SUPT16H: variants seen among roughly 807,000 people sequenced by gnomAD.
The protein encoded by SUPT16H is SPT16 homolog, facilitates chromatin remodeling subunit.
In SUPT16H, 24 loss-of-function variants were observed where a neutral mutation model predicts 136.2. The observed-to-expected ratio is 0.18, with a 90% CI of 0.13 to 0.25. SUPT16H has a LOEUF of 0.25. Ranked by LOEUF, SUPT16H falls within the 10% of genes least tolerant of loss-of-function variation. SUPT16H has a pLI of 1.00. For synonymous variants in SUPT16H, 415 were observed against 428.2 expected, an observed-to-expected ratio of 0.97 and a Z score of 0.38; for missense variants, 623 against 1,270.2, an observed-to-expected ratio of 0.49 and a Z score of 7.74.
intron 15 of SUPT16H, among the ~76,000 whole-genome samples, chr14:21,361,688 T>C (rs990473251): frequency 6.6e-6 from 1 of 152,242 alleles, no homozygotes; most frequent in Non-Finnish European, 1.5e-5. Context: ...CATGAAATCA[T>C]AGAATCCAAT....
intron 1 of SUPT16H, among the ~76,000 whole-genome samples, chr14:21,379,026 T>G (rs1253203471): frequency 2.0e-5 from 3 of 152,162 alleles, no homozygotes; most frequent in Admixed American, 2.0e-4. Context: ...AAAGAAAGTA[T>G]TTTTGCAGTC....
chr14:21,367,494 G>A (rs1017376585), intron 7 of SUPT16H, among the ~76,000 whole-genome samples: 5 of 152,066 alleles, frequency 3.3e-5, no homozygotes, highest in Non-Finnish European at 7.4e-5. Context: ...GGCCTCAGAG[G>A]GATCTTTATC....
At chr14:21,377,338 T>C (rs1886924892) in intron 1 of SUPT16H, among the ~76,000 whole-genome samples, 1 of 152,198 alleles carries the variant, frequency 6.6e-6, no homozygotes, top group Admixed American at 6.6e-5. Context: ...ACAGGCTATG[T>C]ATGTATACTG....
chr14:21,370,432 C>G lies in SUPT16H; in HGVS notation c.387G>C (p.Lys129Asn), dbSNP rs904516441. 21 of 1,613,980 alleles carry G rather than the reference C, an allele frequency of 1.3e-5. 1 individual carries two copies. The Admixed American group carries it at 2.3e-4, about 18-fold the overall frequency. ...TGAACACTCCAATCTTCTTGCCATTCTTGCTTTCTTTAATGGCTTCAATCA... is the reference window on the plus strand; with the variant it reads ...TGAACACTCCAATCTTCTTGCCATTGTTGCTTTCTTTAATGGCTTCAATCA... The part of the protein sequence containing the change: ...DKMIEAIKES[K>N]NGKKIGVFSK... The change falls in exon 4 of 26, where the codon AAG (lysine) becomes AAC (asparagine). Residue 129 changes from lysine (K) to asparagine (N), a missense_variant. Physicochemically the swap from Lys to Asn is moderately conservative, Grantham distance 94. Around this residue, in one of 7 missense-constraint regions of SUPT16H, gnomAD observed 343 missense variants for 525.7 expected, o/e 0.65. Transcript: ENST00000216297.
intron 5 of SUPT16H, 88 bp from the exon 6 acceptor site, chr14:21,369,443 T>A (rs1886740350): frequency 2.0e-6 from 3 of 1,527,320 alleles, no homozygotes; most frequent in Non-Finnish European, 2.7e-6. Context: ...ACAAAATGTA[T>A]CCTTGTATAA....
intron 18 of SUPT16H, 120 bp downstream of exon 18, chr14:21,360,295 T>C: frequency 1.4e-6 from 1 of 729,752 alleles, no homozygotes; most frequent in Admixed American, 2.8e-5. Flanking sequence ...CCCAAAGTGC[T>C]GGGATTGTGG....
At chr14:21,373,485 C>T in intron 1 of SUPT16H, 55 bp from the exon 2 acceptor site, 1 of 1,266,874 alleles carries the variant, frequency 7.9e-7, no homozygotes, top group Non-Finnish European at 1.2e-6. Context: ...AACAGGAATA[C>T]AGCCTTCAAT....
At position 21,369,455 on chromosome 14, in the gene SUPT16H, T is replaced by TC. The variant is rs1886740848; in HGVS notation, c.631-101dup. On this transcript the variant is annotated intron_variant, in intron 5 of 25. Transcript: ENST00000216297. Reference sequence around the variant, plus strand: ...AAGACAAAATGTATCCTTGTATAAGTCTTAGGAAATGATTTATGCGCCAGG... The same window carrying TC: ...AAGACAAAATGTATCCTTGTATAAGTCCTTAGGAAATGATTTATGCGCCAGG... 9 of 1,470,188 alleles carry TC rather than the reference T, an allele frequency of 6.1e-6. No homozygotes were observed. In the South Asian group the frequency reaches 1.2e-4, roughly 19 times the overall value. The allele number at this position is 1,470,188 out of a possible 1,614,324, so 91.1% of individuals were successfully genotyped here.
intron 6 of SUPT16H, among the ~76,000 whole-genome samples, chr14:21,368,907 G>A (rs1438679789): frequency 6.6e-6 from 1 of 152,130 alleles, no homozygotes; most frequent in African/African-American, 2.4e-5. Context: ...AACAGAGACT[G>A]GTAAGGGTAA....
At chr14:21,361,304 T>A in intron 15 of SUPT16H, 91 bp from the exon 16 acceptor site, 66 of 1,075,474 alleles carry the variant, frequency 6.1e-5, no homozygotes, top group Non-Finnish European at 8.3e-5. Flanking sequence ...GCTTAATCTC[T>A]ACTTTGCTTT....
chr14:21,358,049 G>C (rs750673332), intron 20 of SUPT16H, 47 bp from the exon 21 acceptor site: 15 of 1,533,262 alleles, frequency 9.8e-6, no homozygotes, highest in Middle Eastern at 1.9e-4. Context: ...GAGAGAGACT[G>C]CTCCTACCAC....
At chr14:21,361,257 C>G in intron 15 of SUPT16H, 44 bp from the exon 16 acceptor site, 2 of 1,605,638 alleles carry the variant, frequency 1.2e-6, no homozygotes, top group Non-Finnish European at 1.7e-6. Context: ...TTTTTCAGGC[C>G]AGGGAAATTG....
chr14:21,359,573 C>A lies in SUPT16H; in HGVS notation c.2212G>T (p.Val738Leu). The A allele has an allele frequency of 6.2e-7, 1 of 1,614,012 alleles. No homozygotes were observed. The highest frequency in any genetic ancestry group is 8.5e-7 in the Non-Finnish European group (1 of 1,179,980). Residue 738 changes from valine (V) to leucine (L), a missense_variant, in exon 19 of 26, where the codon GTG becomes TTG. Transcript: ENST00000216297. ...IMFGKKRHTD[V>L]QFYTEVGEIT... ...TCTCCCACTTCTGTGTAGAACTGCA[C>A]ATCCGTGTGCCGCTTCTTCCCAAAC...
chr14:21,358,692 T>C (rs140436926), intron 19 of SUPT16H, among the ~76,000 whole-genome samples: 4 of 152,288 alleles, frequency 2.6e-5, no homozygotes, highest in East Asian at 1.9e-4. Flanking sequence ...ATATTTAAGG[T>C]CACCATGCCA....
chr14:21,359,439 A>T, intron 19 of SUPT16H, 45 bp downstream of exon 19: 2 of 1,600,036 alleles, frequency 1.2e-6, no homozygotes, highest in South Asian at 1.1e-5. Context: ...ATTTGGCCTC[A>T]TCCTCCCTCA....
intron 15 of SUPT16H, among the ~76,000 whole-genome samples, chr14:21,361,908 G>A (rs958239821): frequency 2.6e-5 from 4 of 151,924 alleles, no homozygotes; most frequent in Admixed American, 6.6e-5. Context: ...GCTGGATGAC[G>A]GGTGCACACC....
At chr14:21,373,556 T>C (rs546577140) in intron 1 of SUPT16H, 126 bp from the exon 2 acceptor site, 3 of 733,604 alleles carry the variant, frequency 4.1e-6, no homozygotes, top group East Asian at 5.2e-5. Flanking sequence ...GGTACATGCC[T>C]GTTTGGCAGT....
chr14:21,358,583 C>T (rs1384358099), intron 19 of SUPT16H, among the ~76,000 whole-genome samples, 156 bp from the exon 20 acceptor site: 1 of 152,190 alleles, frequency 6.6e-6, no homozygotes, highest in Non-Finnish European at 1.5e-5. Context: ...CACAGGTAAA[C>T]GTGTGCCATG....
intron 1 of SUPT16H, among the ~76,000 whole-genome samples, chr14:21,376,332 C>T (rs1886900827): frequency 6.6e-6 from 1 of 152,112 alleles, no homozygotes. Context: ...TTCAATAGCT[C>T]TATAAAGCCA....
Sources: allele counts gnomAD v4.1 joint callset (sites outside exome capture counted in the v4.1 genomes callset), GRCh38; gene constraint gnomAD v4.1.1; regional missense constraint gnomAD v4.1.1; transcripts MANE v1.5; gene names NCBI Gene and HGNC (gene_info 2026-07-23, HGNC 2026-07-21).